The following ABAT variants were observed in gnomAD, a reference collection of about 807,000 sequenced individuals.
ABAT encodes the protein 4-aminobutyrate aminotransferase, mitochondrial.
Under a neutral mutation model 64.6 loss-of-function variants are expected in ABAT, and 45 were observed. The observed-to-expected ratio is 0.70, with a 90% CI of 0.55 to 0.89. The LOEUF (loss-of-function observed/expected upper bound fraction) is 0.89. ABAT is among the 40% of genes least tolerant of loss of function. The probability of loss-of-function intolerance (pLI) is 0.00; values close to 1 mark genes in which losing one functional copy is unlikely to be tolerated. For missense variants in ABAT, 633 were observed against 658.4 expected (o/e 0.96, Z 0.42); for synonymous variants, 297 against 250.5 (o/e 1.19, Z -1.75).
At chr16:8,771,650 G>C (rs534598638) in intron 11 of ABAT, among the ~76,000 whole-genome samples, 182 of 152,056 alleles carry the variant, frequency 1.2e-3, no homozygotes, top group African/African-American at 4.2e-3. Flanking sequence ...TGTATTTTTA[G>C]TAGAGATGGG....
At chr16:8,676,029 G>A (rs2057191856) in intron 1 of ABAT, among the ~76,000 whole-genome samples, 2 of 151,792 alleles carry the variant, frequency 1.3e-5, no homozygotes, top group Admixed American at 1.3e-4. Flanking sequence ...CAGGATGTTG[G>A]TGACCTGGGG....
At chr16:8,765,421 C>T (rs1630164) in intron 8 of ABAT, among the ~76,000 whole-genome samples, 19,329 of 150,964 alleles carry the variant, frequency 0.13, 1,651 homozygotes, top group African/African-American at 0.25. Context: ...CCCAGCACTT[C>T]GGGAGGCTGA....
At chr16:8,686,789 A>G (rs544888643) in intron 1 of ABAT, among the ~76,000 whole-genome samples, 5 of 152,258 alleles carry the variant, frequency 3.3e-5, no homozygotes, top group African/African-American at 1.2e-4. Context: ...GGGTGCAATA[A>G]TGTCTTTGCA....
chr16:8,746,098 G>C lies in ABAT; in HGVS notation c.168G>C (p.Gln56His). 6.2e-7 allele frequency: 1 copy of C among 1,611,702 alleles called. No individual in the cohort carries two copies. Among genetic ancestry groups the C allele is most frequent in the Non-Finnish European group, 8.5e-7 (1 of 1,178,706 alleles). The change falls in exon 3 of 16, where the codon CAG (glutamine) becomes CAC (histidine). Residue 56 changes from glutamine to histidine, a missense_variant and splice_region_variant. Transcript: ENST00000268251. ...CGGAAGTCCCAGGGCCTAGATCTCA[G>C]GTGAGTTGAGCACACCTGAGTGGGG... The part of the protein sequence containing the change: ...MKTEVPGPRS[Q>H]ELMKQLNIIQ...
chr16:8,752,768 A>G lies in ABAT; in HGVS notation c.316+2229A>G, dbSNP rs148036256. On this transcript the variant is annotated intron_variant, in intron 5 of 15. Transcript: ENST00000268251. ...AGGCAACAGTGCAAGACCCTGTCTC[A>G]GTAAAAAACAAAAACAGAAAAATTC... 6.4e-3 allele frequency among the ~76,000 whole-genome samples: 974 copies of G among 152,306 alleles called. 1 individual carries two copies. Among genetic ancestry groups the G allele is most frequent in the Non-Finnish European group, 9.0e-3 (612 of 68,028 alleles).
intron 6 of ABAT, among the ~76,000 whole-genome samples, chr16:8,759,371 T>A (rs200573818): frequency 2.5e-4 from 35 of 141,986 alleles, no homozygotes; most frequent in African/African-American, 8.5e-4. Flanking sequence ...AGTAAAAAAT[T>A]TTTTTTTTTT....
intron 11 of ABAT, 53 bp from the exon 12 acceptor site, chr16:8,772,727 A>T: frequency 6.2e-7 from 1 of 1,613,324 alleles, no homozygotes; most frequent in South Asian, 1.1e-5. Context: ...CCACCCACGG[A>T]TACTGGTCAC....
rs149599025 is a variant in ABAT at position 8,774,978 on chromosome 16, A to T, written c.1043A>T (p.Asp348Val). ...GCCCATGAGCACTGGGGCCTGGATG[A>T]CCCAGCAGACGTGATGACCTTCAGC... ...FWAHEHWGLDDPADVMTFSKK... is the reference protein window; with the variant it reads ...FWAHEHWGLDVPADVMTFSKK... Residue 348 changes from aspartate (D) to valine (V), a missense_variant, in exon 13 of 16, where the codon GAC becomes GTC. Physicochemically the swap from Asp to Val is radical, Grantham distance 152 (BLOSUM62 -3). Transcript: ENST00000268251. The T allele has an allele frequency of 1.9e-6, 3 of 1,613,984 alleles. No individual in the cohort carries two copies. Among genetic ancestry groups the T allele is most frequent in the Non-Finnish European group, 2.5e-6 (3 of 1,180,006 alleles).
At chr16:8,774,184 A>G (rs567010609) in intron 12 of ABAT, among the ~76,000 whole-genome samples, 3 of 152,266 alleles carry the variant, frequency 2.0e-5, no homozygotes, top group Non-Finnish European at 4.4e-5. Context: ...TGCCCGCCTC[A>G]GCCTCCCAAA....
intron 1 of ABAT, among the ~76,000 whole-genome samples, chr16:8,726,483 G>A (rs1458549596): frequency 6.6e-6 from 1 of 151,976 alleles, no homozygotes; most frequent in African/African-American, 2.4e-5. Flanking sequence ...GGCCTCATGG[G>A]ATCCACCTGC....
chr16:8,738,954 CTTTA>C (rs909366012), intron 2 of ABAT, among the ~76,000 whole-genome samples: 2 of 152,128 alleles, frequency 1.3e-5, no homozygotes, highest in African/African-American at 4.8e-5. Context: ...CAAGGTTTTG[CTTTA>C]TTTATTTATT....
chr16:8,747,121 C>T (rs907919680), intron 3 of ABAT, among the ~76,000 whole-genome samples: 6 of 152,190 alleles, frequency 3.9e-5, no homozygotes, highest in Non-Finnish European at 7.3e-5. Flanking sequence ...GCCATCACTG[C>T]TGCCTCCTTC....
chr16:8,766,170 G>C (rs769616999), intron 8 of ABAT, 38 bp from the exon 9 acceptor site: 1 of 1,606,332 alleles, frequency 6.2e-7, no homozygotes, highest in South Asian at 1.1e-5. Flanking sequence ...GACTACCCCA[G>C]AGCATCTCTG....
At chr16:8,693,093 G>A (rs1343461713) in intron 1 of ABAT, among the ~76,000 whole-genome samples, 1 of 152,130 alleles carries the variant, frequency 6.6e-6, no homozygotes, top group East Asian at 1.9e-4. Context: ...GACCTCAGGT[G>A]ATCCACCTGC....
intron 1 of ABAT, among the ~76,000 whole-genome samples, chr16:8,675,173 C>T (rs573593863): frequency 6.6e-6 from 1 of 151,886 alleles, no homozygotes; most frequent in East Asian, 1.9e-4. Flanking sequence ...AGCTCTCCCC[C>T]CATCATAAGA....
chr16:8,754,674 C>A (rs1230701994), intron 5 of ABAT, among the ~76,000 whole-genome samples: 25 of 2,372 alleles, frequency 0.011, no homozygotes, highest in Admixed American at 0.085. Flanking sequence ...TTATTTATTT[C>A]TTTCTTTCTT....
At chr16:8,727,071 C>T (rs764108258) in intron 1 of ABAT, among the ~76,000 whole-genome samples, 12 of 152,080 alleles carry the variant, frequency 7.9e-5, no homozygotes, top group Non-Finnish European at 1.5e-4. Context: ...GTTTGACCTC[C>T]TTTTTATATT....
In ABAT at chr16:8,774,917, G is replaced by A. The variant is rs1170947021; in HGVS notation, c.982G>A (p.Val328Ile). 6.2e-7 allele frequency: 1 copy of A among 1,614,068 alleles called. No individual in the cohort carries two copies. The highest frequency in any genetic ancestry group is 1.3e-5 in the African/African-American group (1 of 75,042). Residue 328 changes from valine to isoleucine, a missense_variant, in exon 13 of 16, where the codon GTC (valine) becomes ATC (isoleucine). Coordinates refer to ENST00000268251, the MANE Select transcript of ABAT (RefSeq NM_020686.6). Reference sequence around the variant, plus strand: ...TGGCTGCGCCTTCTTGGTGGACGAGGTCCAGACCGGAGGAGGCTGCACGGG... The same window carrying A: ...TGGCTGCGCCTTCTTGGTGGACGAGATCCAGACCGGAGGAGGCTGCACGGG... ...KHGCAFLVDE[V>I]QTGGGCTGKF...
At position 8,726,315 on chromosome 16, in the gene ABAT, CA is replaced by C. The variant is rs1158850025; in HGVS notation, c.-41-9383del. 2.3e-5 allele frequency among the ~76,000 whole-genome samples: 3 copies of C among 131,962 alleles called. No individual in the cohort carries two copies. In the East Asian group the frequency reaches 6.6e-4, roughly 29 times the overall value. 86.6% of individuals were successfully genotyped at this position (131,962 alleles called of 152,430 possible). A position where few individuals can be genotyped will look rare whatever the true frequency, so the allele number is the denominator to read the frequency against. ...TCGATCTGTTGCCCAGGCTGGAGTG[CA>C]GTGGCGCCATCTCGGCTCACTGCAA... On this transcript the variant is annotated intron_variant, in intron 1 of 15. Coordinates refer to ENST00000268251, the MANE Select transcript of ABAT (RefSeq NM_020686.6).
Sources: allele counts gnomAD v4.1 joint callset (sites outside exome capture counted in the v4.1 genomes callset), GRCh38; gene constraint gnomAD v4.1.1; transcripts MANE v1.5; gene names NCBI Gene and HGNC (gene_info 2026-07-23, HGNC 2026-07-21).